Variants in KCNQ3 observed in about 807,000 individuals in gnomAD.
KCNQ3 encodes potassium voltage-gated channel subfamily Q member 3.
KCNQ3 carries 30 observed loss-of-function variants against 92.5 expected under a neutral mutation model. That is an observed-to-expected ratio of 0.32 (90% CI 0.24 to 0.44). KCNQ3 has a LOEUF of 0.44. Among genes scored for constraint, KCNQ3 ranks in the 20% least tolerant of loss-of-function variants. The pLI is 1.00. For synonymous variants in KCNQ3, 450 were observed against 468.8 expected (o/e 0.96, Z 0.52); for missense variants, 913 against 1,140.3 (o/e 0.80, Z 2.87).
At chr8:132,341,885 T>G (rs188838458) in intron 1 of KCNQ3, among the ~76,000 whole-genome samples, 1 of 152,232 alleles carries the variant, frequency 6.6e-6, no homozygotes, top group African/African-American at 2.4e-5. Flanking sequence ...TCATTGTATT[T>G]TCTCTAATAA....
At chr8:132,426,739 A>G (rs771434067) in intron 1 of KCNQ3, among the ~76,000 whole-genome samples, 4 of 152,216 alleles carry the variant, frequency 2.6e-5, no homozygotes, top group Non-Finnish European at 4.4e-5. Flanking sequence ...TTCCTTGCCA[A>G]GAACCAAAAC....
intron 1 of KCNQ3, among the ~76,000 whole-genome samples, chr8:132,468,267 G>C (rs908351501): frequency 3.3e-5 from 5 of 152,192 alleles, no homozygotes; most frequent in African/African-American, 1.2e-4. Flanking sequence ...CAGAAGGAGA[G>C]AGATGAATAG....
chr8:132,386,410 C>T (rs1819892004), intron 1 of KCNQ3, among the ~76,000 whole-genome samples: 1 of 151,934 alleles, frequency 6.6e-6, no homozygotes, highest in Non-Finnish European at 1.5e-5. Flanking sequence ...CATATATAAT[C>T]ACAGATATAT....
chr8:132,208,051 C>T (rs1318566979), intron 1 of KCNQ3, among the ~76,000 whole-genome samples: 1 of 152,020 alleles, frequency 6.6e-6, no homozygotes, highest in Non-Finnish European at 1.5e-5. Context: ...ATTTCCTTCC[C>T]TCCCTGGGCT....
intron 9 of KCNQ3, among the ~76,000 whole-genome samples, chr8:132,142,578 T>C (rs1271633015): frequency 1.3e-5 from 2 of 152,184 alleles, no homozygotes; most frequent in Non-Finnish European, 2.9e-5. Context: ...GAGTGCCACA[T>C]TGCGTGTTTT....
intron 1 of KCNQ3, among the ~76,000 whole-genome samples, chr8:132,224,240 T>C (rs1814334967): frequency 6.6e-6 from 1 of 151,916 alleles, no homozygotes. Flanking sequence ...CTGGTCAATA[T>C]TTTGTTTTCA....
Position 132,128,936 on chromosome 8 carries a change from A to G in KCNQ3, c.*326T>C, listed in dbSNP as rs1020712329. ...AAACCAGCCAACCAAACAGACAAAT[A>G]GCATGGCTCATCAGTAATTTCTCCC... On this transcript the variant is annotated 3_prime_UTR_variant, in exon 15 of 15. Transcript: ENST00000388996. The G allele has an allele frequency of 3.2e-6, 1 of 310,700 alleles. No homozygotes were observed. Among genetic ancestry groups the G allele is most frequent in the African/African-American group, 2.1e-5 (1 of 48,252 alleles). The allele number at this position is 310,700 out of a possible 1,614,324, so 19.2% of individuals were successfully genotyped here.
At chr8:132,273,885 C>G (rs1007558563) in intron 1 of KCNQ3, among the ~76,000 whole-genome samples, 1 of 152,204 alleles carries the variant, frequency 6.6e-6, no homozygotes, top group Non-Finnish European at 1.5e-5. Flanking sequence ...AATTCCTCAT[C>G]TCCATCTGAG....
intron 1 of KCNQ3, among the ~76,000 whole-genome samples, chr8:132,329,087 T>C (rs946023037): frequency 6.6e-6 from 1 of 152,206 alleles, no homozygotes; most frequent in Non-Finnish European, 1.5e-5. Flanking sequence ...AACAAGAACA[T>C]TGCCCTTATG....
intron 1 of KCNQ3, among the ~76,000 whole-genome samples, chr8:132,266,476 A>G (rs374609224): frequency 6.6e-6 from 1 of 152,282 alleles, no homozygotes; most frequent in African/African-American, 2.4e-5. Context: ...CAAGCTCATC[A>G]CAGCCTGTTT....
At chr8:132,377,653 C>T (rs1291540953) in intron 1 of KCNQ3, among the ~76,000 whole-genome samples, 1 of 152,172 alleles carries the variant, frequency 6.6e-6, no homozygotes, top group African/African-American at 2.4e-5. Flanking sequence ...GTTTATGACT[C>T]TCATCCATGT....
At chr8:132,280,508 T>C (rs910546793) in intron 1 of KCNQ3, among the ~76,000 whole-genome samples, 3 of 152,148 alleles carry the variant, frequency 2.0e-5, no homozygotes, top group African/African-American at 7.2e-5. Context: ...TCACTCACTA[T>C]AGCGGGAACA....
chr8:132,312,318 T>G (rs1336360918), intron 1 of KCNQ3, among the ~76,000 whole-genome samples: 1 of 152,224 alleles, frequency 6.6e-6, no homozygotes, highest in Non-Finnish European at 1.5e-5. Context: ...TTTCTGCTTT[T>G]TGGTGCTGCT....
At chr8:132,189,559 G>A (rs1827094049) in intron 1 of KCNQ3, among the ~76,000 whole-genome samples, 1 of 152,132 alleles carries the variant, frequency 6.6e-6, no homozygotes, top group Non-Finnish European at 1.5e-5. Flanking sequence ...GGGCACAGTG[G>A]CTCATGCCTG....
Position 132,229,255 on chromosome 8 carries a change from C to T in KCNQ3, c.387-43074G>A, listed in dbSNP as rs1237159616. ...CCAGCCTGGTGACAGAGTGAGACTC[C>T]GTCTCAAAAAAAAAAAAAAAAATTC... On this transcript the variant is annotated intron_variant, in intron 1 of 14. Coordinates refer to ENST00000388996, the MANE Select transcript of KCNQ3 (RefSeq NM_004519.4). Among the ~76,000 whole-genome samples, 10 of 123,872 alleles carry T rather than the reference C, an allele frequency of 8.1e-5. No individual in the cohort carries two copies. The South Asian group carries it at 2.2e-3, about 27-fold the overall frequency. 81.3% of individuals were successfully genotyped at this position (123,872 alleles called of 152,430 possible). A position where few individuals can be genotyped will look rare whatever the true frequency, so the allele number is the denominator to read the frequency against.
intron 9 of KCNQ3, among the ~76,000 whole-genome samples, chr8:132,145,144 C>T (rs144646720): frequency 3.9e-5 from 6 of 152,246 alleles, no homozygotes; most frequent in Non-Finnish European, 5.9e-5. Context: ...CAGGAAATTC[C>T]CAACAAAGAA....
intron 1 of KCNQ3, among the ~76,000 whole-genome samples, chr8:132,340,785 T>C (rs569594397): frequency 6.6e-6 from 1 of 152,062 alleles, no homozygotes; most frequent in Non-Finnish European, 1.5e-5. Context: ...TAAAGTAAAA[T>C]AAAATAAAAA....
intron 1 of KCNQ3, among the ~76,000 whole-genome samples, chr8:132,309,593 C>T (rs1202287193): frequency 6.6e-6 from 1 of 152,194 alleles, no homozygotes; most frequent in Non-Finnish European, 1.5e-5. Flanking sequence ...CTCCCAGCAT[C>T]GCTGACAAGC....
intron 1 of KCNQ3, among the ~76,000 whole-genome samples, chr8:132,353,636 A>G (rs1818937577): frequency 6.6e-6 from 1 of 152,190 alleles, no homozygotes; most frequent in Non-Finnish European, 1.5e-5. Flanking sequence ...CAACATAGTG[A>G]AACCCTGTCT....
Sources: allele counts gnomAD v4.1 joint callset (sites outside exome capture counted in the v4.1 genomes callset), GRCh38; gene constraint gnomAD v4.1.1; transcripts MANE v1.5; gene names NCBI Gene and HGNC (gene_info 2026-07-23, HGNC 2026-07-21).